Variants in CCSER1 observed in about 807,000 individuals in gnomAD.
CCSER1 encodes serine-rich coiled-coil domain-containing protein 1.
In CCSER1, 41 loss-of-function variants were observed where a neutral mutation model predicts 82.0. That is an observed-to-expected ratio of 0.50 (90% CI 0.39 to 0.65). The LOEUF is 0.65. Ranked by LOEUF, CCSER1 falls within the 30% of genes least tolerant of loss-of-function variation. The pLI is 0.00. For synonymous variants in CCSER1, 414 were observed against 383.9 expected (o/e 1.08, Z -0.92); for missense variants, 1,119 against 1,064.2 (o/e 1.05, Z -0.72).
intron 5 of CCSER1, among the ~76,000 whole-genome samples, chr4:90,529,884 A>T (rs1342244810): frequency 2.0e-5 from 3 of 151,758 alleles, no homozygotes; most frequent in Non-Finnish European, 1.5e-5. Flanking sequence ...TTATCCCTCA[A>T]ATCACTTAGG....
chr4:91,048,192 T>C (rs188951782), intron 9 of CCSER1, among the ~76,000 whole-genome samples: 1 of 152,160 alleles, frequency 6.6e-6, no homozygotes, highest in East Asian at 1.9e-4. Flanking sequence ...CAGAATTACT[T>C]AGCAAGATAG....
At chr4:90,453,141 G>C (rs984857229) in intron 4 of CCSER1, among the ~76,000 whole-genome samples, 2 of 152,188 alleles carry the variant, frequency 1.3e-5, no homozygotes, top group Admixed American at 6.5e-5. Context: ...CACTGTCCAG[G>C]TTAACTGGGT....
chr4:91,164,878 C>A (rs773226960), intron 10 of CCSER1, among the ~76,000 whole-genome samples: 3 of 152,194 alleles, frequency 2.0e-5, no homozygotes, highest in Non-Finnish European at 2.9e-5. Flanking sequence ...GTTCAAACGT[C>A]TTCCTTTAGC....
At chr4:91,354,820 C>T (rs998196450) in intron 10 of CCSER1, among the ~76,000 whole-genome samples, 1 of 152,202 alleles carries the variant, frequency 6.6e-6, no homozygotes, top group African/African-American at 2.4e-5. Context: ...GACTGGGCTA[C>T]ATGCTCGGCT....
intron 10 of CCSER1, among the ~76,000 whole-genome samples, chr4:91,332,218 T>A (rs544184918): frequency 1.3e-5 from 2 of 152,000 alleles, no homozygotes; most frequent in East Asian, 3.9e-4. Context: ...TATAGCATAA[T>A]TGAAAAATTC....
At chr4:91,538,843 G>A (rs1247929346) in intron 10 of CCSER1, among the ~76,000 whole-genome samples, 2 of 151,670 alleles carry the variant, frequency 1.3e-5, no homozygotes, top group Admixed American at 6.6e-5. Flanking sequence ...AGGGAAGGCT[G>A]ATGCAAACCC....
At chr4:90,482,458 G>A (rs1766187850) in intron 5 of CCSER1, among the ~76,000 whole-genome samples, 1 of 152,096 alleles carries the variant, frequency 6.6e-6, no homozygotes, top group Admixed American at 6.5e-5. Flanking sequence ...TTTTAATTGT[G>A]ATGTTAGGGT....
In CCSER1 at chr4:90,634,287, T is replaced by C. The variant is rs532328893; in HGVS notation, c.1932+6055T>C. 2.6e-5 allele frequency among the ~76,000 whole-genome samples: 4 copies of C among 151,868 alleles called. No homozygotes were observed. In the East Asian group the frequency reaches 7.7e-4, roughly 29 times the overall value. ...ATAGTTGATGCAAATATTGGGGCTG[T>C]GAAACATTTGCAAAAGACCCGCCAT... is the stretch of plus-strand genomic sequence containing the variant. On this transcript the variant is annotated intron_variant, in intron 6 of 10. Coordinates refer to ENST00000509176, the MANE Select transcript of CCSER1 (RefSeq NM_001145065.2).
chr4:90,708,195 T>C (rs747652657), intron 6 of CCSER1, among the ~76,000 whole-genome samples: 30 of 152,166 alleles, frequency 2.0e-4, no homozygotes, highest in Non-Finnish European at 3.5e-4. Flanking sequence ...CAAGACTATA[T>C]AAAAATAGCG....
At chr4:90,598,921 G>A (rs1783701101) in intron 5 of CCSER1, among the ~76,000 whole-genome samples, 1 of 152,126 alleles carries the variant, frequency 6.6e-6, no homozygotes, top group Non-Finnish European at 1.5e-5. Flanking sequence ...GTGCAATGAT[G>A]GCAAAACCTC....
At chr4:90,860,617 A>G (rs1308937896) in intron 8 of CCSER1, among the ~76,000 whole-genome samples, 2 of 151,756 alleles carry the variant, frequency 1.3e-5, no homozygotes, top group East Asian at 3.9e-4. Context: ...CTCAATGTGG[A>G]AATAATGCAA....
chr4:90,184,737 A>T (rs1734310695), intron 1 of CCSER1, among the ~76,000 whole-genome samples: 1 of 152,052 alleles, frequency 6.6e-6, no homozygotes, highest in South Asian at 2.1e-4. Flanking sequence ...TCCTGGGGTG[A>T]GAAGTGTGAA....
chr4:90,940,493 A>C (rs556561158), intron 9 of CCSER1, among the ~76,000 whole-genome samples: 1 of 151,126 alleles, frequency 6.6e-6, no homozygotes, highest in African/African-American at 2.4e-5. Flanking sequence ...GTGTTTTATA[A>C]ATATTTATTT....
chr4:90,756,906 C>T (rs982678324), intron 7 of CCSER1, among the ~76,000 whole-genome samples: 6 of 152,010 alleles, frequency 3.9e-5, no homozygotes, highest in African/African-American at 1.5e-4. Flanking sequence ...AGATAAGGAA[C>T]ACAGAGGAGG....
At position 90,625,137 on chromosome 4, in the gene CCSER1, C is replaced by A. The variant is rs144758919; in HGVS notation, c.1725-2888C>A. On this transcript the variant is annotated intron_variant, in intron 5 of 10. Coordinates refer to ENST00000509176, the MANE Select transcript of CCSER1 (RefSeq NM_001145065.2). ...TGAACGAATTGTATTATCCAGTGAA[C>A]CCTGCTAAATGCAAGAACAGAAGAG... 2.7e-3 allele frequency among the ~76,000 whole-genome samples: 418 copies of A among 152,248 alleles called. 4 individuals are homozygous for A. Among genetic ancestry groups the A allele is most frequent in the African/African-American group, 9.5e-3 (394 of 41,558 alleles).
At chr4:91,424,809 T>G (rs900041572) in intron 10 of CCSER1, among the ~76,000 whole-genome samples, 6 of 152,090 alleles carry the variant, frequency 3.9e-5, no homozygotes, top group Non-Finnish European at 8.8e-5. Context: ...CGAGTATAGG[T>G]GATTAATAGC....
At position 91,170,464 on chromosome 4, in the gene CCSER1, A is replaced by G. The variant is rs143259447; in HGVS notation, c.2217+84470A>G. Among the ~76,000 whole-genome samples the G allele has an allele frequency of 3.3e-3, 498 of 152,276 alleles. 1 individual carries two copies. The highest frequency in any genetic ancestry group is 4.9e-3 in the Non-Finnish European group (330 of 68,018). On this transcript the variant is annotated intron_variant, in intron 10 of 10. Transcript: ENST00000509176. ...ACACGTGACTGTGTTATTTGTTACTAAAATGAGAAACATCATGAATAACCT... is the reference window on the plus strand; with the variant it reads ...ACACGTGACTGTGTTATTTGTTACTGAAATGAGAAACATCATGAATAACCT...
intron 1 of CCSER1, among the ~76,000 whole-genome samples, chr4:90,290,037 T>C (rs1730622937): frequency 1.3e-5 from 2 of 151,892 alleles, no homozygotes; most frequent in Non-Finnish European, 2.9e-5. Context: ...TTAGGGTACA[T>C]GTGATATTGG....
intron 10 of CCSER1, chr4:91,325,290 C>CT (rs745913204): frequency 3.3e-5 from 13 of 388,332 alleles, no homozygotes; most frequent in Admixed American, 2.5e-4. Context: ...GTTACAAAGG[C>CT]TTTTTTCCCA....
Sources: gnomAD v4.1 joint callset for allele counts (sites outside exome capture counted in the v4.1 genomes callset) on GRCh38, gnomAD v4.1.1 for gene constraint, MANE v1.5 for transcripts, NCBI Gene and HGNC (gene_info 2026-07-23, HGNC 2026-07-21) for gene names.